JAZF1: variants seen among roughly 807,000 people sequenced by gnomAD.
JAZF1 encodes juxtaposed with another zinc finger protein 1.
JAZF1 carries 8 observed loss-of-function variants against 26.4 expected under a neutral mutation model. The observed-to-expected ratio is 0.30, with a 90% CI of 0.18 to 0.55. The LOEUF (loss-of-function observed/expected upper bound fraction) is 0.55, where lower values mean the gene tolerates loss of function less well. Ranked by LOEUF, JAZF1 falls within the 20% of genes least tolerant of loss-of-function variation. The probability of loss-of-function intolerance (pLI) is 0.94; values close to 1 mark genes in which losing one functional copy is unlikely to be tolerated. For synonymous variants in JAZF1, 126 were observed against 122.3 expected (o/e 1.03, Z -0.20); for missense variants, 199 against 322.0 (o/e 0.62, Z 2.92).
chr7:27,908,084 C>T lies in JAZF1; in HGVS notation c.189-12668G>A, dbSNP rs557474112. ...GAACAAAGCTGGCAGACTGTAATAT[C>T]TGAGAGAGAAAGTTGAGTATGTCTA... On this transcript the variant is annotated intron_variant, in intron 2 of 4. Transcript: ENST00000283928. 3.9e-5 allele frequency among the ~76,000 whole-genome samples: 6 copies of T among 152,298 alleles called. No homozygotes were observed. In the South Asian group the frequency reaches 1.2e-3, roughly 32 times the overall value.
At chr7:28,073,704 T>C (rs188746890) in intron 1 of JAZF1, among the ~76,000 whole-genome samples, 19 of 152,246 alleles carry the variant, frequency 1.2e-4, no homozygotes, top group Non-Finnish European at 2.2e-4. Context: ...CAGTGCTGGC[T>C]GGCAACCCCA....
intron 2 of JAZF1, among the ~76,000 whole-genome samples, chr7:27,914,432 G>C (rs1174125756): frequency 2.0e-5 from 3 of 152,182 alleles, no homozygotes; most frequent in Non-Finnish European, 4.4e-5. Flanking sequence ...GTTGGGCCGG[G>C]GGCTGTACTT....
At chr7:28,168,112 G>A (rs1265629212) in intron 1 of JAZF1, among the ~76,000 whole-genome samples, 8 of 152,172 alleles carry the variant, frequency 5.3e-5, no homozygotes, top group Admixed American at 1.3e-4. Context: ...GCCGGGCGCA[G>A]TGGCTCATGC....
At chr7:28,136,729 A>G (rs1312047448) in intron 1 of JAZF1, among the ~76,000 whole-genome samples, 1 of 152,158 alleles carries the variant, frequency 6.6e-6, no homozygotes, top group Admixed American at 6.5e-5. Context: ...AGGAGGAGGA[A>G]TTAAAATACT....
intron 3 of JAZF1, among the ~76,000 whole-genome samples, chr7:27,864,496 TG>T (rs772701774): frequency 1.2e-4 from 19 of 152,248 alleles, no homozygotes; most frequent in Non-Finnish European, 2.4e-4. Flanking sequence ...TCAAAACCCA[TG>T]GGTTTGCCCG....
chr7:27,964,692 C>G (rs1785243536), intron 2 of JAZF1, among the ~76,000 whole-genome samples: 2 of 150,196 alleles, frequency 1.3e-5, no homozygotes, highest in African/African-American at 4.9e-5. Flanking sequence ...AAAAAGAAGT[C>G]AAGCAGAAGA....
At chr7:27,971,301 C>T (rs1197838927) in intron 2 of JAZF1, among the ~76,000 whole-genome samples, 1 of 152,146 alleles carries the variant, frequency 6.6e-6, no homozygotes, top group East Asian at 1.9e-4. Context: ...CGGGAGAGCT[C>T]TGGGGATGAG....
intron 1 of JAZF1, among the ~76,000 whole-genome samples, chr7:28,150,948 G>C (rs950384700): frequency 6.6e-6 from 1 of 152,144 alleles, no homozygotes; most frequent in African/African-American, 2.4e-5. Context: ...TGAAGAATTT[G>C]TAACTAGAAG....
At chr7:28,113,693 C>T (rs1035521256) in intron 1 of JAZF1, among the ~76,000 whole-genome samples, 4 of 152,188 alleles carry the variant, frequency 2.6e-5, no homozygotes, top group Non-Finnish European at 2.9e-5. Flanking sequence ...TGTGAAGTAG[C>T]TTGCGAAGTC....
intron 2 of JAZF1, among the ~76,000 whole-genome samples, chr7:27,900,999 G>A (rs1784153860): frequency 6.8e-6 from 1 of 147,268 alleles, no homozygotes. Flanking sequence ...TCTAAGAGAC[G>A]TATTACCCAG....
chr7:28,106,422 T>G (rs1214576458), intron 1 of JAZF1, among the ~76,000 whole-genome samples: 1 of 152,144 alleles, frequency 6.6e-6, no homozygotes, highest in African/African-American at 2.4e-5. Flanking sequence ...ATGTCATCAT[T>G]TCAATAAATA....
At chr7:28,161,976 A>G (rs1442045266) in intron 1 of JAZF1, among the ~76,000 whole-genome samples, 1 of 152,166 alleles carries the variant, frequency 6.6e-6, no homozygotes, top group African/African-American at 2.4e-5. Context: ...AATGCATTCA[A>G]TTGTGTTTTG....
Position 28,165,461 on chromosome 7 carries a change from C to A in JAZF1, c.115+15002G>T, listed in dbSNP as rs148309134. 6.2e-3 allele frequency among the ~76,000 whole-genome samples: 950 copies of A among 152,244 alleles called. 12 individuals are homozygous for A. The highest frequency in any genetic ancestry group is 0.022 in the African/African-American group (906 of 41,518). ...TATAAAAAAGCAGAATGGAAACTAACCATAACGAAGTCACACAACATTCCA... is the reference window on the plus strand; with the variant it reads ...TATAAAAAAGCAGAATGGAAACTAAACATAACGAAGTCACACAACATTCCA... On this transcript the variant is annotated intron_variant, in intron 1 of 4. Coordinates refer to ENST00000283928, the MANE Select transcript of JAZF1 (RefSeq NM_175061.4).
At chr7:27,945,385 C>A (rs574177409) in intron 2 of JAZF1, among the ~76,000 whole-genome samples, 1 of 152,286 alleles carries the variant, frequency 6.6e-6, no homozygotes, top group African/African-American at 2.4e-5. Context: ...TTCTGTGTAG[C>A]ACCTCCCGAT....
At chr7:28,043,622 C>T (rs1490558753) in intron 1 of JAZF1, among the ~76,000 whole-genome samples, 1 of 152,088 alleles carries the variant, frequency 6.6e-6, no homozygotes, top group African/African-American at 2.4e-5. Context: ...ATATGACGGG[C>T]AATTCCACTC....
intron 1 of JAZF1, among the ~76,000 whole-genome samples, chr7:28,007,583 T>A (rs973472867): frequency 2.0e-5 from 3 of 150,756 alleles, no homozygotes; most frequent in Admixed American, 1.3e-4. Context: ...AAAAAAAAAA[T>A]TATTTCTGGA....
chr7:27,836,240 C>G (rs1583422064), intron 4 of JAZF1, among the ~76,000 whole-genome samples: 1 of 152,172 alleles, frequency 6.6e-6, no homozygotes, highest in African/African-American at 2.4e-5. Flanking sequence ...TGAGTTTTCT[C>G]AAAGTGATGC....
At chr7:27,887,414 A>G (rs1259425952) in intron 3 of JAZF1, among the ~76,000 whole-genome samples, 1 of 151,292 alleles carries the variant, frequency 6.6e-6, no homozygotes, top group African/African-American at 2.4e-5. Flanking sequence ...ATTTGTATTT[A>G]TTTATTTATT....
intron 1 of JAZF1, among the ~76,000 whole-genome samples, chr7:28,076,322 AAGGTT>A (rs1303042811): frequency 6.6e-6 from 1 of 152,240 alleles, no homozygotes; most frequent in African/African-American, 2.4e-5. Context: ...AAATAAATGA[AAGGTT>A]TGAAGGGAGC....
Sources: allele counts gnomAD v4.1 joint callset (sites outside exome capture counted in the v4.1 genomes callset), GRCh38; gene constraint gnomAD v4.1.1; transcripts MANE v1.5; gene names NCBI Gene and HGNC (gene_info 2026-07-23, HGNC 2026-07-21).